The following TTC39C variants were observed in gnomAD, a reference collection of about 807,000 sequenced individuals.
TTC39C encodes the protein tetratricopeptide repeat protein 39C.
In TTC39C, 33 loss-of-function variants were observed where a neutral mutation model predicts 76.3. That is an observed-to-expected ratio of 0.43 (90% CI 0.33 to 0.58). The LOEUF (loss-of-function observed/expected upper bound fraction) is 0.58. Ranked by LOEUF, TTC39C falls within the 20% of genes least tolerant of loss-of-function variation. The pLI is 0.04. For synonymous variants in TTC39C, 254 were observed against 260.6 expected (o/e 0.97, Z 0.24); for missense variants, 595 against 701.4 (o/e 0.85, Z 1.71).
intron 1 of TTC39C, among the ~76,000 whole-genome samples, chr18:24,025,292 A>T (rs2039510516): frequency 6.6e-6 from 1 of 152,258 alleles, no homozygotes; most frequent in South Asian, 2.1e-4. Context: ...CCAGGATTTC[A>T]TGTATCTTCA....
Position 24,132,610 on chromosome 18 carries a change from A to G in TTC39C, c.*36A>G. On this transcript the variant is annotated 3_prime_UTR_variant, in exon 14 of 14. Transcript: ENST00000317571. ...ACACCCGCTCCGTCCCTCCCCACCCAGGGTCCGCACTTTAAAATAAAAGCA... is the reference window on the plus strand; with the variant it reads ...ACACCCGCTCCGTCCCTCCCCACCCGGGGTCCGCACTTTAAAATAAAAGCA... The G allele has an allele frequency of 1.9e-6, 3 of 1,573,398 alleles. No individual in the cohort carries two copies. Among genetic ancestry groups the G allele is most frequent in the Non-Finnish European group, 2.6e-6 (3 of 1,147,800 alleles).
intron 1 of TTC39C, chr18:24,022,708 T>C: frequency 2.0e-6 from 2 of 985,380 alleles, no homozygotes; most frequent in Non-Finnish European, 2.4e-6. Context: ...GCTCTGTGGC[T>C]CCCAGTCTTG....
intron 2 of TTC39C, among the ~76,000 whole-genome samples, 162 bp from the exon 3 acceptor site, chr18:24,065,850 T>G (rs560952746): frequency 2.7e-4 from 41 of 152,388 alleles, no homozygotes; most frequent in African/African-American, 9.9e-4. Context: ...CATGTTGAGA[T>G]TACAGTTTCT....
intron 1 of TTC39C, among the ~76,000 whole-genome samples, chr18:24,024,004 ATATATATATATAT>A (rs2083563296): frequency 2.1e-4 from 1 of 4,866 alleles, no homozygotes; most frequent in African/African-American, 5.9e-4. Context: ...ATATATATAT[ATATATATATATAT>A]TTTTTTTTTT....
At chr18:24,036,251 A>C (rs1555768420) in intron 1 of TTC39C, among the ~76,000 whole-genome samples, 1 of 152,162 alleles carries the variant, frequency 6.6e-6, no homozygotes, top group Non-Finnish European at 1.5e-5. Flanking sequence ...GGAGTTTTCT[A>C]TTTCTGCATA....
chr18:24,027,383 C>T (rs1025894002), intron 1 of TTC39C, among the ~76,000 whole-genome samples: 4 of 152,168 alleles, frequency 2.6e-5, no homozygotes, highest in African/African-American at 9.7e-5. Flanking sequence ...TCCCCTCTTC[C>T]CCAATTTCAA....
At chr18:24,007,866 G>A (rs766683055) in intron 1 of TTC39C, among the ~76,000 whole-genome samples, 1 of 144,186 alleles carries the variant, frequency 6.9e-6, no homozygotes, top group Non-Finnish European at 1.5e-5. Flanking sequence ...CTGTTGACAA[G>A]TAAATATGTG....
intron 1 of TTC39C, among the ~76,000 whole-genome samples, chr18:24,049,463 CTCACTCAT>C (rs1341744140): frequency 1.3e-5 from 2 of 152,202 alleles, no homozygotes; most frequent in Non-Finnish European, 2.9e-5. Context: ...TGTTCCCTCA[CTCACTCAT>C]TCACTCATTC....
At chr18:24,094,169 A>G (rs1196937816) in intron 6 of TTC39C, among the ~76,000 whole-genome samples, 1 of 152,204 alleles carries the variant, frequency 6.6e-6, no homozygotes. Context: ...ATGCCATCTC[A>G]AGAAACCATT....
In TTC39C at chr18:24,114,564, A is replaced by G. The variant is rs781095048; in HGVS notation, c.995A>G (p.Asn332Ser). 2.5e-6 allele frequency: 4 copies of G among 1,613,604 alleles called. No homozygotes were observed. Among genetic ancestry groups the G allele is most frequent in the Non-Finnish European group, 3.4e-6 (4 of 1,179,550 alleles). ...TCCTTTTCTCCTTAGTGTCAAATCA[A>G]CAGTGCCTTGACATCTTTCCACACT... is the stretch of plus-strand genomic sequence containing the variant. The part of the protein sequence containing the change: ...GRIQRLECQI[N>S]SALTSFHTAL... Residue 332 changes from asparagine (N) to serine (S), a missense_variant, in exon 7 of 14, where the codon AAC becomes AGC. Physicochemically the swap from Asn to Ser is conservative, Grantham distance 46. Coordinates refer to ENST00000317571, the MANE Select transcript of TTC39C (RefSeq NM_001135993.2).
rs2085011891 is a variant in TTC39C, at chr18:24,123,937, G to T, written c.1290G>T (p.Val430=). 1 of 1,604,870 alleles carries T rather than the reference G, an allele frequency of 6.2e-7. No individual in the cohort carries two copies. The highest frequency in any genetic ancestry group is 8.5e-7 in the Non-Finnish European group (1 of 1,176,592). The change falls in exon 9 of 14, where the codon GTG becomes GTT. Residue 430 remains valine, a synonymous_variant. Transcript: ENST00000317571. The part of the protein sequence containing the change: ...RKNNQIEQFS[V]KKAERFRKQT... ...ACAATCAGATTGAACAGTTCTCGGTGAAAAAGGTATGTTGGAGCCTATTGA... is the reference window on the plus strand; with the variant it reads ...ACAATCAGATTGAACAGTTCTCGGTTAAAAAGGTATGTTGGAGCCTATTGA...
chr18:24,134,270 T>TTTG lies in TTC39C; in HGVS notation c.*1698_*1699insGTT. ...TATTGGACATCTGTTTTTTGTTTTT[T>TTTG]TTTTTTTTTTTTTTTTTTTTTGAGA... On this transcript the variant is annotated 3_prime_UTR_variant, in exon 14 of 14. Coordinates refer to ENST00000317571, the MANE Select transcript of TTC39C (RefSeq NM_001135993.2). 7.8e-6 allele frequency: 1 copy of TTTG among 128,084 alleles called. No homozygotes were observed. The highest frequency in any genetic ancestry group is 1.6e-5 in the Non-Finnish European group (1 of 60,688). The allele number at this position is 128,084 out of a possible 1,614,324, so 7.9% of individuals were successfully genotyped here. A position where few individuals can be genotyped will look rare whatever the true frequency, so the allele number is the denominator to read the frequency against.
rs1328680759 is a variant in TTC39C, at chr18:24,132,795, T to C, written c.*221T>C. Reference sequence around the variant, plus strand: ...GGAGGATGATGATGGTAATAATAACTAACCACCTGGGGAGAGGGTTAAGTG... The same window carrying C: ...GGAGGATGATGATGGTAATAATAACCAACCACCTGGGGAGAGGGTTAAGTG... On this transcript the variant is annotated 3_prime_UTR_variant, in exon 14 of 14. Coordinates refer to ENST00000317571, the MANE Select transcript of TTC39C (RefSeq NM_001135993.2). The C allele has an allele frequency of 2.3e-6, 1 of 430,240 alleles. No individual in the cohort carries two copies. Among genetic ancestry groups the C allele is most frequent in the Non-Finnish European group, 4.1e-6 (1 of 244,718 alleles). The allele number at this position is 430,240 out of a possible 1,614,324, so 26.7% of individuals were successfully genotyped here.
At position 24,000,655 on chromosome 18, in the gene TTC39C, T is replaced by C. The variant is rs1469297674; in HGVS notation, c.-17+7617T>C. Reference sequence around the variant, plus strand: ...GCACTGTGATGCACATTACCTTGCCTGGCAGGGCTGTCTTCACCGCCATGA... The same window carrying C: ...GCACTGTGATGCACATTACCTTGCCCGGCAGGGCTGTCTTCACCGCCATGA... On this transcript the variant is annotated intron_variant, in intron 1 of 13. Coordinates refer to the TTC39C transcript ENST00000304621. 3 of 152,258 alleles carry C rather than the reference T, an allele frequency of 2.0e-5. No individual in the cohort carries two copies. The East Asian group carries it at 5.8e-4, about 29-fold the overall frequency. The allele number at this position is 152,258 out of a possible 1,614,324, so 9.4% of individuals were successfully genotyped here.
At chr18:24,087,607 CAG>C (rs1354662744) in intron 6 of TTC39C, among the ~76,000 whole-genome samples, 5 of 18,130 alleles carry the variant, frequency 2.8e-4, no homozygotes. Flanking sequence ...TTTTTTGAGA[CAG>C]AGTCTTGCTC....
intron 1 of TTC39C, among the ~76,000 whole-genome samples, chr18:24,044,572 A>G (rs1032855458): frequency 1.3e-5 from 2 of 152,180 alleles, no homozygotes; most frequent in Non-Finnish European, 2.9e-5. Context: ...GGTTGGTGTG[A>G]CAGGAACAAG....
chr18:24,109,285 G>A (rs1181510970), intron 6 of TTC39C, among the ~76,000 whole-genome samples: 1 of 151,568 alleles, frequency 6.6e-6, no homozygotes, highest in African/African-American at 2.4e-5. Context: ...GAGCCCAGAA[G>A]TTCAAGGCAT....
At chr18:24,066,958 G>A (rs1325596855) in intron 3 of TTC39C, among the ~76,000 whole-genome samples, 3 of 152,202 alleles carry the variant, frequency 2.0e-5, no homozygotes, top group Non-Finnish European at 2.9e-5. Flanking sequence ...TTTCTCAAGT[G>A]AATAGAATAG....
intron 1 of TTC39C, chr18:24,020,407 T>C (rs1353978319): frequency 1.5e-6 from 1 of 683,672 alleles, no homozygotes; most frequent in African/African-American, 2.0e-5. Flanking sequence ...TGTGTACAAG[T>C]GTACAAGAAA....
Sources: gnomAD v4.1 joint callset for allele counts (sites outside exome capture counted in the v4.1 genomes callset) on GRCh38, gnomAD v4.1.1 for gene constraint, MANE v1.5 for transcripts, NCBI Gene and HGNC (gene_info 2026-07-23, HGNC 2026-07-21) for gene names.